Variants in WDPCP observed in about 807,000 individuals in gnomAD.
WDPCP encodes WD repeat-containing and planar cell polarity effector protein fritz homolog.
WDPCP carries 71 observed loss-of-function variants against 93.1 expected under a neutral mutation model. The ratio of observed to expected loss-of-function variants is 0.76; its 90% CI spans 0.63 to 0.93. WDPCP has a LOEUF of 0.93. Ranked by LOEUF, WDPCP falls within the 40% of genes least tolerant of loss-of-function variation. The probability of loss-of-function intolerance (pLI) is 0.00; values close to 1 mark genes in which losing one functional copy is unlikely to be tolerated. For synonymous variants in WDPCP, 315 were observed against 315.0 expected, an observed-to-expected ratio of 1.00 and a Z score of 0.00; for missense variants, 844 against 887.4, an observed-to-expected ratio of 0.95 and a Z score of 0.62.
At chr2:63,698,276 A>G (rs1210693246) in intron 2 of WDPCP, among the ~76,000 whole-genome samples, 1 of 152,130 alleles carries the variant, frequency 6.6e-6, no homozygotes, top group African/African-American at 2.4e-5. Context: ...TTGAGGTGAA[A>G]TCAGCTCAAC....
At chr2:63,728,853 T>A (rs533000169) in intron 2 of WDPCP, among the ~76,000 whole-genome samples, 2 of 152,310 alleles carry the variant, frequency 1.3e-5, no homozygotes, top group South Asian at 4.1e-4. Context: ...CTGAAAATAT[T>A]TGGGAAGTTA....
chr2:63,425,290 G>A (rs553549101), intron 9 of WDPCP, among the ~76,000 whole-genome samples: 15 of 152,318 alleles, frequency 9.8e-5, no homozygotes, highest in African/African-American at 2.9e-4. Context: ...GAAAGGATCC[G>A]CACAAGAACT....
intron 14 of WDPCP, among the ~76,000 whole-genome samples, chr2:63,219,873 G>A (rs1574909067): frequency 6.6e-6 from 1 of 152,082 alleles, no homozygotes; most frequent in Middle Eastern, 3.4e-3. Flanking sequence ...GGTGGTGGCA[G>A]CACCTATAGT....
chr2:63,389,095 C>A (rs1193819215), intron 10 of WDPCP, among the ~76,000 whole-genome samples: 2 of 152,012 alleles, frequency 1.3e-5, no homozygotes, highest in Non-Finnish European at 2.9e-5. Context: ...GACACATAAT[C>A]GTCAGATTCA....
chr2:63,630,687 C>G (rs375704445), intron 3 of WDPCP, among the ~76,000 whole-genome samples: 2 of 152,128 alleles, frequency 1.3e-5, no homozygotes, highest in East Asian at 3.8e-4. Context: ...GATATCAGCA[C>G]CTCTTTCTCA....
At chr2:63,554,047 A>G (rs577250181) in intron 1 of WDPCP, among the ~76,000 whole-genome samples, 1 of 152,330 alleles carries the variant, frequency 6.6e-6, no homozygotes, top group Non-Finnish European at 1.5e-5. Context: ...ACCAGAGACC[A>G]AATGCCAGTT....
At chr2:63,368,954 C>T (rs1257729895) in intron 12 of WDPCP, 1 of 153,028 alleles carries the variant, frequency 6.5e-6, no homozygotes, top group African/African-American at 2.4e-5. Flanking sequence ...TCTTTTCAGA[C>T]TTCAATAGAG....
intron 2 of WDPCP, among the ~76,000 whole-genome samples, chr2:63,732,587 T>C (rs1669578374): frequency 6.6e-6 from 1 of 152,164 alleles, no homozygotes; most frequent in African/African-American, 2.4e-5. Context: ...AAATAACATA[T>C]AGGAGTCTAC....
intron 9 of WDPCP, among the ~76,000 whole-genome samples, chr2:63,424,214 A>AGCCAGCAT (rs1297329345): frequency 7.4e-6 from 1 of 134,306 alleles, no homozygotes; most frequent in African/African-American, 2.8e-5. Flanking sequence ...ACAAAGCTTC[A>AGCCAGCAT]GCCAGCATGG....
chr2:63,591,157 C>T (rs569975811), upstream of WDPCP, among the ~76,000 whole-genome samples: 2 of 152,342 alleles, frequency 1.3e-5, no homozygotes, highest in South Asian at 2.1e-4. Context: ...AGAGCAAAGA[C>T]GTTCCTTTTT....
chr2:63,782,860 A>T (rs1211166585), intron 2 of WDPCP, among the ~76,000 whole-genome samples: 2 of 152,054 alleles, frequency 1.3e-5, no homozygotes, highest in Non-Finnish European at 2.9e-5. Context: ...ATGGAGAGAG[A>T]AATGGGCAGT....
At chr2:63,809,452 G>T (rs1483959673) in intron 2 of WDPCP, among the ~76,000 whole-genome samples, 3 of 152,122 alleles carry the variant, frequency 2.0e-5, no homozygotes, top group South Asian at 2.1e-4. Flanking sequence ...TGACAATGGC[G>T]GTTTTGTGGA....
At chr2:63,482,874 G>A (rs534073401) in intron 6 of WDPCP, among the ~76,000 whole-genome samples, 5 of 151,910 alleles carry the variant, frequency 3.3e-5, no homozygotes, top group South Asian at 2.1e-4. Context: ...TATTAGAAAC[G>A]TTAAAAGCAG....
intron 17 of WDPCP, 99 bp downstream of exon 17, chr2:63,152,815 G>T: frequency 2.7e-6 from 3 of 1,126,952 alleles, no homozygotes; most frequent in South Asian, 2.6e-5. Context: ...AGTTAATGTA[G>T]ACCAATAGAT....
chr2:63,548,669 T>A (rs1263632993), intron 1 of WDPCP, among the ~76,000 whole-genome samples: 1 of 151,992 alleles, frequency 6.6e-6, no homozygotes, highest in Non-Finnish European at 1.5e-5. Context: ...TCTTTCCTTT[T>A]TTTTTTTTGA....
chr2:63,659,659 C>A (rs1014827274), intron 2 of WDPCP, among the ~76,000 whole-genome samples: 2 of 152,158 alleles, frequency 1.3e-5, no homozygotes, highest in Non-Finnish European at 2.9e-5. Context: ...GGACTTCTGG[C>A]CTCTATATTG....
At chr2:63,242,730 A>G (rs985444378) in intron 14 of WDPCP, among the ~76,000 whole-genome samples, 1 of 152,156 alleles carries the variant, frequency 6.6e-6, no homozygotes. Context: ...CTGGGTGCAT[A>G]ATCACCCCAG....
chr2:63,740,737 C>G (rs1669700787), intron 2 of WDPCP, among the ~76,000 whole-genome samples: 1 of 152,104 alleles, frequency 6.6e-6, no homozygotes, highest in African/African-American at 2.4e-5. Context: ...TTCCTCAAAC[C>G]ACAATTTCCA....
chr2:63,498,401 A>G (rs1176391676), intron 1 of WDPCP, among the ~76,000 whole-genome samples: 3 of 152,200 alleles, frequency 2.0e-5, no homozygotes, highest in Non-Finnish European at 4.4e-5. Context: ...GAGATGTAAG[A>G]ATTCTAGAAA....
Sources: allele counts gnomAD v4.1 joint callset (sites outside exome capture counted in the v4.1 genomes callset), GRCh38; gene constraint gnomAD v4.1.1; transcripts MANE v1.5; gene names NCBI Gene and HGNC (gene_info 2026-07-23, HGNC 2026-07-21).